Variants in ADAMTSL3 observed in about 807,000 individuals in gnomAD.
ADAMTSL3 encodes the protein ADAMTS-like protein 3.
ADAMTSL3 carries 128 observed loss-of-function variants against 201.7 expected under a neutral mutation model. That is an observed-to-expected ratio of 0.63 (90% confidence interval 0.55 to 0.73). The LOEUF (loss-of-function observed/expected upper bound fraction) is 0.73. ADAMTSL3 is among the 30% of genes least tolerant of loss of function. The pLI is 0.00. For synonymous variants in ADAMTSL3, 738 were observed against 748.4 expected (o/e 0.99, Z 0.23); for missense variants, 1,990 against 2,119.6 (o/e 0.94, Z 1.20).
At chr15:83,870,662 A>C in intron 8 of ADAMTSL3, 140 bp from the exon 9 acceptor site, 1 of 674,132 alleles carries the variant, frequency 1.5e-6, no homozygotes, top group Non-Finnish European at 2.3e-6. Context: ...TTCCACCAAT[A>C]TCAATGAATG....
chr15:83,886,270 C>T (rs2065389024), intron 10 of ADAMTSL3, among the ~76,000 whole-genome samples: 1 of 152,164 alleles, frequency 6.6e-6, no homozygotes, highest in African/African-American at 2.4e-5. Context: ...GGAACCATGA[C>T]TTAGTAGAAT....
intron 3 of ADAMTSL3, among the ~76,000 whole-genome samples, chr15:83,761,214 C>T (rs1452770929): frequency 1.3e-5 from 2 of 152,018 alleles, no homozygotes; most frequent in African/African-American, 2.4e-5. Flanking sequence ...CTTTTATCTT[C>T]TTCATGGATG....
At chr15:83,831,775 C>T (rs2141959579) in intron 6 of ADAMTSL3, among the ~76,000 whole-genome samples, 1 of 152,264 alleles carries the variant, frequency 6.6e-6, no homozygotes, top group Non-Finnish European at 1.5e-5. Flanking sequence ...TTCCCCACAA[C>T]TCTAAGCATT....
intron 9 of ADAMTSL3, among the ~76,000 whole-genome samples, chr15:83,872,327 C>T (rs910369951): frequency 1.3e-5 from 2 of 151,982 alleles, no homozygotes; most frequent in African/African-American, 2.4e-5. Flanking sequence ...ACACTAAAGG[C>T]GTAAGTGGTT....
At chr15:83,697,210 T>C (rs1234796438) in intron 2 of ADAMTSL3, among the ~76,000 whole-genome samples, 1 of 152,162 alleles carries the variant, frequency 6.6e-6, no homozygotes, top group Non-Finnish European at 1.5e-5. Flanking sequence ...TTCTCTCTCT[T>C]CCCATTACAT....
chr15:83,919,343 C>G (rs952998451), intron 16 of ADAMTSL3, among the ~76,000 whole-genome samples: 1 of 152,032 alleles, frequency 6.6e-6, no homozygotes, highest in Non-Finnish European at 1.5e-5. Context: ...CCGCAAAAGT[C>G]TATGAGAAGA....
intron 7 of ADAMTSL3, among the ~76,000 whole-genome samples, chr15:83,855,686 C>T (rs970500381): frequency 5.3e-5 from 8 of 152,160 alleles, no homozygotes; most frequent in Non-Finnish European, 8.8e-5. Context: ...TCTTACTGAG[C>T]ATTTTTCTTT....
In ADAMTSL3 at chr15:83,772,054, A is replaced by C. The variant is rs1596177835; in HGVS notation, c.190-1469A>C. The stretch of plus-strand genomic sequence containing the variant: ...ATTTTAGTAGAGATGGGGTTTTGCC[A>C]TGTTGCCCAGGCTGGTCTTGAACTC... On this transcript the variant is annotated intron_variant, in intron 3 of 29. Transcript: ENST00000286744. 2.6e-5 allele frequency among the ~76,000 whole-genome samples: 4 copies of C among 152,160 alleles called. 1 individual carries two copies. In the Middle Eastern group the frequency reaches 0.014, roughly 518 times the overall value.
intron 23 of ADAMTSL3, among the ~76,000 whole-genome samples, chr15:84,012,001 TTCTG>T (rs753256735): frequency 3.3e-5 from 5 of 152,244 alleles, no homozygotes; most frequent in African/African-American, 9.6e-5. Context: ...AGCTTAAACT[TTCTG>T]TATGTGTATA....
At chr15:83,968,033 C>G (rs1015858430) in intron 19 of ADAMTSL3, among the ~76,000 whole-genome samples, 1 of 152,128 alleles carries the variant, frequency 6.6e-6, no homozygotes. Context: ...AAAATTAACT[C>G]AAGATGTATT....
At chr15:83,843,864 A>C (rs1452903235) in intron 7 of ADAMTSL3, among the ~76,000 whole-genome samples, 2 of 152,210 alleles carry the variant, frequency 1.3e-5, no homozygotes, top group Non-Finnish European at 2.9e-5. Context: ...ATTTATCCAG[A>C]TACAACATAC....
chr15:83,870,589 A>G (rs562082199), intron 8 of ADAMTSL3, among the ~76,000 whole-genome samples: 1 of 152,204 alleles, frequency 6.6e-6, no homozygotes, highest in African/African-American at 2.4e-5. Context: ...GAGTAGAACT[A>G]TTTGGGCCTG....
intron 7 of ADAMTSL3, among the ~76,000 whole-genome samples, chr15:83,846,195 A>G (rs2064493452): frequency 6.6e-6 from 1 of 152,208 alleles, no homozygotes; most frequent in Non-Finnish European, 1.5e-5. Context: ...AGTAATAATA[A>G]TGGCCCCCAG....
At chr15:83,912,980 A>G (rs2065959063) in intron 15 of ADAMTSL3, 112 bp from the exon 16 acceptor site, 1 of 1,147,870 alleles carries the variant, frequency 8.7e-7, no homozygotes, top group Non-Finnish European at 1.2e-6. Context: ...GTGGAATTCC[A>G]CCGAGTGAAG....
chr15:83,674,526 A>G (rs1306283232), intron 2 of ADAMTSL3, among the ~76,000 whole-genome samples: 1 of 151,746 alleles, frequency 6.6e-6, no homozygotes. Flanking sequence ...GTAGCTTTAC[A>G]GTAAGTCTTA....
intron 2 of ADAMTSL3, among the ~76,000 whole-genome samples, chr15:83,675,913 ATGG>A (rs1426458451): frequency 6.6e-6 from 1 of 151,906 alleles, no homozygotes; most frequent in East Asian, 1.9e-4. Flanking sequence ...TATCCTTTTA[ATGG>A]TTGCAGGATC....
intron 15 of ADAMTSL3, among the ~76,000 whole-genome samples, chr15:83,908,202 C>T (rs1408511617): frequency 6.6e-6 from 1 of 152,210 alleles, no homozygotes; most frequent in Non-Finnish European, 1.5e-5. Flanking sequence ...TCCTCTGATA[C>T]AGATGAGGCC....
chr15:83,818,728 G>C (rs565159276), intron 5 of ADAMTSL3, among the ~76,000 whole-genome samples: 6 of 152,270 alleles, frequency 3.9e-5, no homozygotes, highest in African/African-American at 1.4e-4. Context: ...CTAGTATCTT[G>C]CTTTGGAAAT....
chr15:83,775,045 C>A (rs544631322), intron 4 of ADAMTSL3, among the ~76,000 whole-genome samples: 1 of 152,206 alleles, frequency 6.6e-6, no homozygotes, highest in East Asian at 1.9e-4. Flanking sequence ...TGGGGTTTCA[C>A]CATATTGGCC....
Sources: gnomAD v4.1 joint callset for allele counts (sites outside exome capture counted in the v4.1 genomes callset) on GRCh38, gnomAD v4.1.1 for gene constraint, MANE v1.5 for transcripts, NCBI Gene and HGNC (gene_info 2026-07-23, HGNC 2026-07-21) for gene names.